Variants in KLHL1 observed in about 807,000 individuals in gnomAD.
KLHL1 encodes the protein kelch-like protein 1.
KLHL1 carries 47 observed loss-of-function variants against 77.7 expected under a neutral mutation model. The ratio of observed to expected loss-of-function variants is 0.60; its 90% CI spans 0.48 to 0.77. The LOEUF (loss-of-function observed/expected upper bound fraction) is 0.77, where lower values mean the gene tolerates loss of function less well. KLHL1 is among the 30% of genes least tolerant of loss of function. KLHL1 has a pLI of 0.00. For missense variants in KLHL1, 925 were observed against 910.8 expected (o/e 1.02, Z -0.20); for synonymous variants, 360 against 325.2 (o/e 1.11, Z -1.15).
Position 69,798,704 on chromosome 13 carries a change from T to C in KLHL1, c.1415-1742A>G, listed in dbSNP as rs111654521. On this transcript the variant is annotated intron_variant, in intron 6 of 10. Transcript: ENST00000377844. ...AAAGCAAACTACATAGTTGAATAAC[T>C]TCAAAGTCATCTGGATTCTCAAAGC... Among the ~76,000 whole-genome samples, 192 of 152,282 alleles carry C rather than the reference T, an allele frequency of 1.3e-3. 1 individual carries two copies. The highest frequency in any genetic ancestry group is 4.3e-3 in the African/African-American group (180 of 41,576).
intron 3 of KLHL1, among the ~76,000 whole-genome samples, chr13:69,954,862 A>G (rs1232238796): frequency 2.6e-5 from 4 of 151,148 alleles, no homozygotes; most frequent in African/African-American, 7.3e-5. Flanking sequence ...GTTTCTTGCT[A>G]AAATGATGGA....
chr13:69,875,183 C>A (rs956985923), intron 5 of KLHL1, among the ~76,000 whole-genome samples: 7 of 151,650 alleles, frequency 4.6e-5, no homozygotes, highest in African/African-American at 1.5e-4. Context: ...TTCATTAGGG[C>A]AAATGATTGA....
intron 1 of KLHL1, among the ~76,000 whole-genome samples, chr13:69,997,145 TGGTAGACA>T: frequency 6.6e-6 from 1 of 151,740 alleles, no homozygotes; most frequent in Admixed American, 6.6e-5. Flanking sequence ...CACTTGAAAC[TGGTAGACA>T]GAGGTTGCAG....
chr13:69,702,810 T>C (rs544402718), intron 10 of KLHL1, among the ~76,000 whole-genome samples: 1 of 151,860 alleles, frequency 6.6e-6, no homozygotes, highest in South Asian at 2.1e-4. Flanking sequence ...AATTATTGCA[T>C]AAAATGAGAG....
chr13:69,887,191 T>C (rs1023583797), intron 4 of KLHL1, among the ~76,000 whole-genome samples: 1 of 152,202 alleles, frequency 6.6e-6, no homozygotes, highest in African/African-American at 2.4e-5. Context: ...ATGGTTCTAC[T>C]ATTTTAAGGA....
At chr13:70,082,607 TA>T (rs1887423732) in intron 1 of KLHL1, among the ~76,000 whole-genome samples, 2 of 152,198 alleles carry the variant, frequency 1.3e-5, no homozygotes, top group Non-Finnish European at 2.9e-5. Context: ...AACTATTTTT[TA>T]AAAATAATTT....
At chr13:69,740,625 A>C in intron 7 of KLHL1, 69 bp from the exon 8 acceptor site, 1 of 1,198,998 alleles carries the variant, frequency 8.3e-7, no homozygotes, top group Non-Finnish European at 1.2e-6. Context: ...AAATCTGTTA[A>C]GTGGGTAGAT....
At chr13:70,057,802 A>AG (rs1382663546) in intron 1 of KLHL1, among the ~76,000 whole-genome samples, 35 of 148,624 alleles carry the variant, frequency 2.4e-4, no homozygotes, top group Admixed American at 5.3e-4. Flanking sequence ...AAAAAAAAAA[A>AG]AAAGAAAGAA....
At chr13:69,812,274 G>A (rs1877915694) in intron 6 of KLHL1, among the ~76,000 whole-genome samples, 1 of 151,848 alleles carries the variant, frequency 6.6e-6, no homozygotes, top group Admixed American at 6.6e-5. Flanking sequence ...GAGACAGTTT[G>A]TTATAATTTC....
intron 1 of KLHL1, among the ~76,000 whole-genome samples, chr13:70,093,007 AAAT>A (rs1198400417): frequency 6.6e-6 from 1 of 152,136 alleles, no homozygotes; most frequent in Non-Finnish European, 1.5e-5. Context: ...ATTTAATTTT[AAAT>A]AATAAATTAT....
In KLHL1 at chr13:69,783,967, C is replaced by G. The variant is rs191944923; in HGVS notation, c.1639+12771G>C. On this transcript the variant is annotated intron_variant, in intron 7 of 10. Coordinates refer to ENST00000377844, the MANE Select transcript of KLHL1 (RefSeq NM_020866.3). Reference sequence around the variant, plus strand: ...GGGTTACCCACAAAGGGAAGCCCATCAGACTAACAGCTGATCTCTCAGCAG... The same window carrying G: ...GGGTTACCCACAAAGGGAAGCCCATGAGACTAACAGCTGATCTCTCAGCAG... Among the ~76,000 whole-genome samples the G allele has an allele frequency of 4.8e-3, 735 of 152,264 alleles. 5 individuals are homozygous for G. The highest frequency in any genetic ancestry group is 7.2e-3 in the South Asian group (35 of 4,828).
At chr13:69,705,005 A>G (rs1875561384) in intron 10 of KLHL1, among the ~76,000 whole-genome samples, 2 of 151,840 alleles carry the variant, frequency 1.3e-5, no homozygotes, top group South Asian at 4.1e-4. Flanking sequence ...AGATACATTC[A>G]TATTACCTCC....
chr13:70,046,556 C>T (rs564543070), intron 1 of KLHL1, among the ~76,000 whole-genome samples: 2 of 152,320 alleles, frequency 1.3e-5, no homozygotes, highest in East Asian at 3.9e-4. Context: ...GGCACAATTT[C>T]TGCTCATTGC....
At chr13:69,900,636 C>G (rs2138225654) in intron 4 of KLHL1, among the ~76,000 whole-genome samples, 1 of 152,118 alleles carries the variant, frequency 6.6e-6, no homozygotes, top group East Asian at 1.9e-4. Flanking sequence ...AGAATATAAA[C>G]CAGCCAAACA....
chr13:69,749,123 C>G (rs935394058), intron 7 of KLHL1, among the ~76,000 whole-genome samples: 2 of 151,998 alleles, frequency 1.3e-5, no homozygotes, highest in Admixed American at 1.3e-4. Context: ...TGATGATTTC[C>G]TTGCAGAATG....
chr13:69,737,724 A>C (rs1051397789), intron 8 of KLHL1, among the ~76,000 whole-genome samples: 4 of 152,152 alleles, frequency 2.6e-5, no homozygotes, highest in African/African-American at 9.7e-5. Flanking sequence ...GGGATTTATG[A>C]AGAGAACTCT....
chr13:69,952,367 T>C (rs2501220), intron 3 of KLHL1, among the ~76,000 whole-genome samples: 73,323 of 151,068 alleles, frequency 0.49, 18,622 homozygotes, highest in Non-Finnish European at 0.57. Flanking sequence ...ACATTTTTTC[T>C]TGTAAGACTG....
chr13:70,023,640 T>C (rs144805651), intron 1 of KLHL1, among the ~76,000 whole-genome samples: 1 of 152,040 alleles, frequency 6.6e-6, no homozygotes. Context: ...TTTACATCCT[T>C]CAAACTTTCC....
At chr13:70,007,918 T>C (rs1885443193) in intron 1 of KLHL1, among the ~76,000 whole-genome samples, 1 of 152,008 alleles carries the variant, frequency 6.6e-6, no homozygotes, top group Non-Finnish European at 1.5e-5. Context: ...ATAACTAATC[T>C]GGTGTTGATC....
Sources: allele counts gnomAD v4.1 joint callset (sites outside exome capture counted in the v4.1 genomes callset), GRCh38; gene constraint gnomAD v4.1.1; transcripts MANE v1.5; gene names NCBI Gene and HGNC (gene_info 2026-07-23, HGNC 2026-07-21).